Variants in AKR1E2 observed in about 807,000 individuals in gnomAD.
The protein encoded by AKR1E2 is 1,5-anhydro-D-fructose reductase.
In AKR1E2, 43 loss-of-function variants were observed where a neutral mutation model predicts 41.9. The ratio of observed to expected loss-of-function variants is 1.03; its 90% CI spans 0.80 to 1.32. The LOEUF (loss-of-function observed/expected upper bound fraction) is 1.32. AKR1E2 is among the 40% of genes most tolerant of loss of function. The pLI is 0.00. For synonymous variants in AKR1E2, 121 were observed against 138.9 expected (o/e 0.87, Z 0.91); for missense variants, 423 against 396.5 (o/e 1.07, Z -0.57).
chr10:4,837,583 T>G lies in AKR1E2; in HGVS notation c.582+2T>G, dbSNP rs906710622. 6.2e-7 allele frequency: 1 copy of G among 1,612,594 alleles called. No homozygotes were observed. The highest frequency in any genetic ancestry group is 1.3e-5 in the African/African-American group (1 of 74,866). ...AGGTTCAAGCCACTAACCAACCAGGTAAGCCGATGGAAGCATCAGAGAGTT... is the reference window on the plus strand; with the variant it reads ...AGGTTCAAGCCACTAACCAACCAGGGAAGCCGATGGAAGCATCAGAGAGTT... On this transcript the variant is annotated splice_donor_variant, in intron 5 of 9. Transcript: ENST00000298375. LOFTEE classifies it high-confidence loss of function.
chr10:4,826,180 C>T (rs1406136396), upstream of AKR1E2: 1 of 574,968 alleles, frequency 1.7e-6, no homozygotes. Context: ...TGCGTTCATG[C>T]TTCCAGCCAT....
the AKR1E2 span, among the ~76,000 whole-genome samples, chr10:4,872,719 T>A: frequency 6.6e-6 from 1 of 152,132 alleles, no homozygotes; most frequent in Non-Finnish European, 1.5e-5. Flanking sequence ...ACAAAAACCC[T>A]GCCCTTAGAA....
downstream of AKR1E2, among the ~76,000 whole-genome samples, chr10:4,852,029 A>C (rs1291180254): frequency 6.6e-6 from 1 of 152,192 alleles, no homozygotes; most frequent in African/African-American, 2.4e-5. Flanking sequence ...TGGAAAATCA[A>C]ACATTTCTTG....
Position 4,842,465 on chromosome 10 carries a change from C to G in AKR1E2, c.798C>G (p.Pro266=), listed in dbSNP as rs771162913. The G allele has an allele frequency of 1.9e-6, 3 of 1,613,984 alleles. No individual in the cohort carries two copies. Among genetic ancestry groups the G allele is most frequent in the Admixed American group, 1.7e-5 (1 of 59,996 alleles). Residue 266 remains proline, a synonymous_variant, in exon 8 of 10, where the codon CCC becomes CCG. Transcript: ENST00000298375. ...FQIQRNVIVI[P]GSITPSHIKE... The stretch of plus-strand genomic sequence containing the variant: ...TCCAGAGGAATGTGATAGTGATCCC[C>G]GGATCTATCACCCCAAGTCACATTA...
At chr10:4,835,194 A>C (rs1833302974) in intron 3 of AKR1E2, among the ~76,000 whole-genome samples, 1 of 152,200 alleles carries the variant, frequency 6.6e-6, no homozygotes, top group African/African-American at 2.4e-5. Context: ...TGCCCTTTCA[A>C]GATGTATCTC....
chr10:4,863,696 A>G, the AKR1E2 span, among the ~76,000 whole-genome samples: 6 of 152,092 alleles, frequency 3.9e-5, no homozygotes, highest in Non-Finnish European at 7.3e-5. Flanking sequence ...AAGATCAACA[A>G]AATTGATAGA....
chr10:4,860,905 A>G, the AKR1E2 span, among the ~76,000 whole-genome samples: 1 of 152,188 alleles, frequency 6.6e-6, no homozygotes, highest in Non-Finnish European at 1.5e-5. Flanking sequence ...GCAGCTAAGG[A>G]TGCCTCATAG....
Position 4,847,631 on chromosome 10 carries a change from G to A in AKR1E2, c.*101G>A. The A allele has an allele frequency of 7.3e-7, 1 of 1,374,044 alleles. No individual in the cohort carries two copies. Among genetic ancestry groups the A allele is most frequent in the African/African-American group, 1.4e-5 (1 of 69,244 alleles). The allele number at this position is 1,374,044 out of a possible 1,614,324, so 85.1% of individuals were successfully genotyped here. A position where few individuals can be genotyped will look rare whatever the true frequency, so the allele number is the denominator to read the frequency against. ...TCACAGCGCCAGGGCAGCTGTGCCT[G>A]GGACAGGAGCCACACAGTCAGAGGG... On this transcript the variant is annotated 3_prime_UTR_variant, in exon 10 of 10. Transcript: ENST00000298375.
chr10:4,846,614 C>T (rs75343942), intron 8 of AKR1E2, among the ~76,000 whole-genome samples: 5,234 of 151,084 alleles, frequency 0.035, 148 homozygotes, highest in East Asian at 0.11. Context: ...GGTGCGATCT[C>T]GGCTCACTGC....
chr10:4,867,385 C>T, the AKR1E2 span, among the ~76,000 whole-genome samples: 5 of 152,196 alleles, frequency 3.3e-5, no homozygotes, highest in Non-Finnish European at 7.3e-5. Flanking sequence ...AGGTACAAAA[C>T]ATTTCCGTCA....
the AKR1E2 span, among the ~76,000 whole-genome samples, chr10:4,862,705 A>T: frequency 6.6e-6 from 1 of 152,080 alleles, no homozygotes. Context: ...TGTGAATGGG[A>T]GTTCACTCAT....
At chr10:4,845,954 A>G in intron 8 of AKR1E2, 1 of 441,532 alleles carries the variant, frequency 2.3e-6, no homozygotes, top group African/African-American at 2.0e-5. Flanking sequence ...AGCCAGGTCC[A>G]CAAGACTCAC....
chr10:4,850,027 G>C (rs1020104628), downstream of AKR1E2, among the ~76,000 whole-genome samples: 1 of 152,200 alleles, frequency 6.6e-6, no homozygotes, highest in Non-Finnish European at 1.5e-5. Flanking sequence ...ACGCAGCCTC[G>C]TTCTTGAGCA....
the AKR1E2 span, among the ~76,000 whole-genome samples, chr10:4,858,401 C>T: frequency 1.3e-5 from 2 of 152,164 alleles, no homozygotes; most frequent in Admixed American, 6.5e-5. Flanking sequence ...AGGCTGAATC[C>T]TATATTCCCC....
At chr10:4,866,305 G>C in the AKR1E2 span, among the ~76,000 whole-genome samples, 1 of 152,206 alleles carries the variant, frequency 6.6e-6, no homozygotes. Context: ...AGGACGCGTA[G>C]CACTGGAACC....
intron 5 of AKR1E2, 129 bp downstream of exon 5, chr10:4,837,710 C>T (rs918702813): frequency 1.4e-6 from 2 of 1,394,078 alleles, no homozygotes; most frequent in Non-Finnish European, 1.9e-6. Flanking sequence ...TCTGGCAGCA[C>T]TCAGAATGGT....
At chr10:4,833,118 TGAG>T (rs1270618737) in intron 2 of AKR1E2, among the ~76,000 whole-genome samples, 1 of 152,194 alleles carries the variant, frequency 6.6e-6, no homozygotes, top group Non-Finnish European at 1.5e-5. Flanking sequence ...GAGCTTCCCT[TGAG>T]GAGGAGTCAG....
At chr10:4,828,533 C>A (rs1276644755) in intron 1 of AKR1E2, among the ~76,000 whole-genome samples, 1 of 152,116 alleles carries the variant, frequency 6.6e-6, no homozygotes, top group Non-Finnish European at 1.5e-5. Context: ...TGGGTCCTGG[C>A]TTTTTATTTT....
At chr10:4,842,546 G>A (rs368678588) in intron 8 of AKR1E2, 42 bp downstream of exon 8, 2 of 1,572,174 alleles carry the variant, frequency 1.3e-6, no homozygotes, top group Non-Finnish European at 1.8e-6. Context: ...TTCAGATCAT[G>A]TGTTAGATGG....
Sources: gnomAD v4.1 joint callset for allele counts (sites outside exome capture counted in the v4.1 genomes callset) on GRCh38, gnomAD v4.1.1 for gene constraint, MANE v1.5 for transcripts, NCBI Gene and HGNC (gene_info 2026-07-23, HGNC 2026-07-21) for gene names.